CUX1: variants seen among roughly 807,000 people sequenced by gnomAD.
The protein encoded by CUX1 is protein CASP.
A neutral mutation model predicts 158.8 loss-of-function variants in CUX1; 31 were observed. The ratio of observed to expected loss-of-function variants is 0.20; its 90% CI spans 0.15 to 0.26. CUX1 has a LOEUF of 0.26. Ranked by LOEUF, CUX1 falls within the 10% of genes least tolerant of loss-of-function variation. The pLI, the probability that CUX1 is intolerant of heterozygous loss-of-function variation, is 1.00. For missense variants in CUX1, 1,589 were observed against 2,014.6 expected, an observed-to-expected ratio of 0.79 and a Z score of 4.04; for synonymous variants, 879 against 862.1, an observed-to-expected ratio of 1.02 and a Z score of -0.34.
chr7:102,091,617 G>A (rs985907576), intron 4 of CUX1, among the ~76,000 whole-genome samples: 16 of 152,222 alleles, frequency 1.1e-4, no homozygotes, highest in Middle Eastern at 3.4e-3. Flanking sequence ...TTACAGGCAC[G>A]CACCACCCCA....
At chr7:101,979,201 T>C (rs1813101308) in intron 2 of CUX1, among the ~76,000 whole-genome samples, 1 of 152,110 alleles carries the variant, frequency 6.6e-6, no homozygotes, top group Non-Finnish European at 1.5e-5. Flanking sequence ...GGAGGTGCTC[T>C]AGACTGTGAT....
At chr7:102,204,673 C>A in intron 19 of CUX1, 117 bp downstream of exon 19, 1 of 1,328,526 alleles carries the variant, frequency 7.5e-7, no homozygotes, top group Admixed American at 2.3e-5. Context: ...AGGAGGTGGC[C>A]AACCACACTC....
chr7:101,828,501 G>A (rs947923399), intron 1 of CUX1, among the ~76,000 whole-genome samples: 1 of 152,096 alleles, frequency 6.6e-6, no homozygotes, highest in Non-Finnish European at 1.5e-5. Context: ...CCATATGAAC[G>A]AACGGGGAAA....
chr7:102,210,959 A>G (rs1554522950), intron 20 of CUX1, among the ~76,000 whole-genome samples: 1 of 152,214 alleles, frequency 6.6e-6, no homozygotes, highest in African/African-American at 2.4e-5. Context: ...TTCCCACCAG[A>G]CAGCCAGGAA....
chr7:101,939,057 ACATATATATATATATATAT>A (rs1256348589), intron 2 of CUX1, among the ~76,000 whole-genome samples: 23 of 67,862 alleles, frequency 3.4e-4, no homozygotes, highest in Admixed American at 2.1e-4. Flanking sequence ...AAAAAAAAAT[ACATATATATATATATATAT>A]ATATATATAT....
intron 9 of CUX1, among the ~76,000 whole-genome samples, chr7:102,162,115 G>A (rs1294194611): frequency 6.6e-6 from 1 of 151,970 alleles, no homozygotes; most frequent in African/African-American, 2.4e-5. Flanking sequence ...AGGAATCTGG[G>A]ACGCGAAAAG....
chr7:102,064,010 G>T (rs1474324283), intron 3 of CUX1, among the ~76,000 whole-genome samples: 1 of 152,190 alleles, frequency 6.6e-6, no homozygotes. Context: ...TTCCTGGGAG[G>T]CGCCTTCCAG....
chr7:101,851,489 G>A (rs778389432), intron 1 of CUX1, among the ~76,000 whole-genome samples: 3 of 152,054 alleles, frequency 2.0e-5, no homozygotes, highest in African/African-American at 7.2e-5. Context: ...GATGTTCTCC[G>A]ATTGCTTCCT....
In CUX1 at chr7:102,170,557, A is replaced by G; in HGVS notation, c.828+7A>G. ...CCAGAAGGCACCAGACGTGGTGGGT[A>G]GCCCCGGCCCCGTGGGGGACTGTCC... On this transcript the variant is annotated splice_region_variant and intron_variant, in intron 10 of 23. Transcript: ENST00000292535. 2 of 1,567,286 alleles carry G rather than the reference A, an allele frequency of 1.3e-6. No homozygotes were observed. The highest frequency in any genetic ancestry group is 2.3e-5 in the South Asian group (2 of 85,152).
At chr7:102,013,840 G>A (rs753595764) in intron 2 of CUX1, among the ~76,000 whole-genome samples, 3 of 152,070 alleles carry the variant, frequency 2.0e-5, no homozygotes, top group Non-Finnish European at 4.4e-5. Flanking sequence ...GAGTAGCTGG[G>A]ACCATAGGCA....
At chr7:102,258,575 G>A (rs1790137381), downstream of CUX1, among the ~76,000 whole-genome samples, 4 of 152,170 alleles carry the variant, frequency 2.6e-5, no homozygotes, top group Non-Finnish European at 5.9e-5. Context: ...TCTGTAAAAT[G>A]GAGACACCAT....
intron 2 of CUX1, among the ~76,000 whole-genome samples, chr7:102,004,699 C>T (rs1343237294): frequency 2.0e-5 from 3 of 152,036 alleles, no homozygotes; most frequent in Admixed American, 2.0e-4. Context: ...TCCTGACCAC[C>T]GAGCCTGGTT....
chr7:101,909,201 AGGTTTGGGAGG>A lies in CUX1; in HGVS notation c.31-6913_31-6903del, dbSNP rs1294626651. On this transcript the variant is annotated intron_variant, in intron 1 of 23. Transcript: ENST00000292535. ...TCTCTTGAGGCCAGGAGTCCAGTTCAGGTTTGGGAGGCCGAGGCGGGAGGATCTCTTGAGGC... is the reference window on the plus strand; with the variant it reads ...TCTCTTGAGGCCAGGAGTCCAGTTCACCGAGGCGGGAGGATCTCTTGAGGC... 4.0e-5 allele frequency among the ~76,000 whole-genome samples: 6 copies of A among 150,162 alleles called. No homozygotes were observed. The South Asian group carries it at 6.4e-4, about 16-fold the overall frequency.
At position 102,250,414 on chromosome 7, in the gene CUX1, A is replaced by G. The variant is rs1801373678; in HGVS notation, c.*1372A>G. On this transcript the variant is annotated 3_prime_UTR_variant, in exon 24 of 24. Coordinates refer to ENST00000292535, the MANE Select transcript of CUX1 (RefSeq NM_181552.4). The stretch of plus-strand genomic sequence containing the variant: ...GATACCTGATGAACTGAGCCCTCCC[A>G]GGGGAAGACACTCCCCAGGCCTGGG... The G allele has an allele frequency of 4.1e-6, 4 of 985,472 alleles. No individual in the cohort carries two copies. Among genetic ancestry groups the G allele is most frequent in the South Asian group, 4.7e-5 (1 of 21,276 alleles). The allele number at this position is 985,472 out of a possible 1,614,324, so 61.0% of individuals were successfully genotyped here.
intron 14 of CUX1, among the ~76,000 whole-genome samples, chr7:102,269,571 AATT>A (rs1248941926): frequency 2.1e-5 from 2 of 93,478 alleles, no homozygotes; most frequent in Non-Finnish European, 2.0e-5. Context: ...ATGCCCGGCT[AATT>A]TTTTTTTTTT....
chr7:102,055,394 C>G (rs1824017902), intron 3 of CUX1, among the ~76,000 whole-genome samples: 1 of 152,112 alleles, frequency 6.6e-6, no homozygotes, highest in Non-Finnish European at 1.5e-5. Context: ...CATTATTTTT[C>G]CAACTGCAGG....
chr7:101,981,150 C>A (rs888268811), intron 2 of CUX1, among the ~76,000 whole-genome samples: 1 of 151,934 alleles, frequency 6.6e-6, no homozygotes, highest in Non-Finnish European at 1.5e-5. Flanking sequence ...GACATGAATA[C>A]CCCCCGTTTT....
At chr7:102,065,772 T>C (rs1180876015) in intron 3 of CUX1, among the ~76,000 whole-genome samples, 2 of 151,914 alleles carry the variant, frequency 1.3e-5, no homozygotes, top group East Asian at 1.9e-4. Context: ...TAAAATGACA[T>C]GGATACACGT....
rs79074658 is a variant in CUX1, at chr7:102,240,416, C to T, written c.3887+832C>T. On this transcript the variant is annotated intron_variant, in intron 23 of 23. Transcript: ENST00000292535. ...CCTGAGTAGCTAGGATGCCAATGCA[C>T]CACCATGCCTGCTGATTTTTTATAG... Among the ~76,000 whole-genome samples the T allele has an allele frequency of 4.5e-3, 685 of 152,104 alleles. 3 individuals are homozygous for T. Among genetic ancestry groups the T allele is most frequent in the Non-Finnish European group, 6.7e-3 (456 of 67,984 alleles).
Sources: allele counts gnomAD v4.1 joint callset (sites outside exome capture counted in the v4.1 genomes callset), GRCh38; gene constraint gnomAD v4.1.1; transcripts MANE v1.5; gene names NCBI Gene and HGNC (gene_info 2026-07-23, HGNC 2026-07-21).